The following CHCHD3 variants were observed in gnomAD, a reference collection of about 807,000 sequenced individuals.
CHCHD3 encodes the protein MICOS complex subunit MIC19.
A neutral mutation model predicts 38.2 loss-of-function variants in CHCHD3; 20 were observed. The ratio of observed to expected loss-of-function variants is 0.52; its 90% CI spans 0.37 to 0.76. The LOEUF (loss-of-function observed/expected upper bound fraction) is 0.76, where lower values mean the gene tolerates loss of function less well. CHCHD3 is among the 30% of genes least tolerant of loss of function. The pLI, the probability that CHCHD3 is intolerant of heterozygous loss-of-function variation, is 0.00. For synonymous variants in CHCHD3, 82 were observed against 100.0 expected (o/e 0.82, Z 1.07); for missense variants, 245 against 279.2 (o/e 0.88, Z 0.87).
In CHCHD3 at chr7:132,785,592, T is replaced by G; in HGVS notation, c.*45A>C. On this transcript the variant is annotated 3_prime_UTR_variant, in exon 8 of 8. Coordinates refer to ENST00000262570, the MANE Select transcript of CHCHD3 (RefSeq NM_017812.4). ...TCTCACTAGGAAAAAAAATGTTCCATCTCTGGAATTAACGTTGATGGTGTT... is the reference window on the plus strand; with the variant it reads ...TCTCACTAGGAAAAAAAATGTTCCAGCTCTGGAATTAACGTTGATGGTGTT... 1.2e-6 allele frequency: 2 copies of G among 1,603,360 alleles called. No homozygotes were observed. Among genetic ancestry groups the G allele is most frequent in the Non-Finnish European group, 1.7e-6 (2 of 1,170,622 alleles).
chr7:132,796,934 C>A (rs571245801), intron 6 of CHCHD3, among the ~76,000 whole-genome samples: 1 of 152,132 alleles, frequency 6.6e-6, no homozygotes, highest in African/African-American at 2.4e-5. Context: ...GAGATCCCTA[C>A]GGCCTGGTCC....
chr7:133,022,130 G>T (rs1232172158), intron 3 of CHCHD3, among the ~76,000 whole-genome samples: 1 of 151,854 alleles, frequency 6.6e-6, no homozygotes, highest in Admixed American at 6.6e-5. Flanking sequence ...TTTAAAAAGG[G>T]TTACAATGAT....
chr7:132,821,239 T>G (rs1265608145), intron 6 of CHCHD3, among the ~76,000 whole-genome samples: 2 of 152,192 alleles, frequency 1.3e-5, no homozygotes, highest in African/African-American at 4.8e-5. Context: ...CACTATTCAC[T>G]GCTTAGGATA....
At chr7:132,945,285 CAATT>C (rs1585662335) in intron 4 of CHCHD3, among the ~76,000 whole-genome samples, 1 of 151,814 alleles carries the variant, frequency 6.6e-6, no homozygotes, top group African/African-American at 2.4e-5. Context: ...AACATTAAAA[CAATT>C]AATTAAATAA....
At chr7:132,945,682 TAA>T (rs1229912146) in intron 4 of CHCHD3, among the ~76,000 whole-genome samples, 1 of 151,916 alleles carries the variant, frequency 6.6e-6, no homozygotes, top group African/African-American at 2.4e-5. Flanking sequence ...CTTGCTTTAA[TAA>T]AAGTTTTAAA....
intron 5 of CHCHD3, among the ~76,000 whole-genome samples, chr7:132,861,020 A>C (rs565781439): frequency 1.3e-5 from 2 of 152,344 alleles, no homozygotes; most frequent in East Asian, 3.9e-4. Flanking sequence ...GAGTGATTAC[A>C]AGAGTTCAGC....
intron 6 of CHCHD3, among the ~76,000 whole-genome samples, chr7:132,806,437 T>C (rs574673403): frequency 3.9e-4 from 60 of 152,200 alleles, no homozygotes; most frequent in Non-Finnish European, 5.3e-4. Flanking sequence ...ATCTAGCCCA[T>C]TAAGAACTGC....
rs1813278492 is a variant in CHCHD3, at chr7:133,024,526, T to C, written c.251+20A>G. ...ATGACAAAACCCACCAAAACCTCTC[T>C]CTGATACCACAAAACTCACCGTTTC... On this transcript the variant is annotated intron_variant, in intron 3 of 7. Coordinates refer to ENST00000262570, the MANE Select transcript of CHCHD3 (RefSeq NM_017812.4). The C allele has an allele frequency of 6.3e-7, 1 of 1,582,246 alleles. No homozygotes were observed. The highest frequency in any genetic ancestry group is 8.7e-7 in the Non-Finnish European group (1 of 1,151,524).
chr7:132,994,122 A>G (rs992063642), intron 3 of CHCHD3, among the ~76,000 whole-genome samples: 1 of 152,160 alleles, frequency 6.6e-6, no homozygotes, highest in South Asian at 2.1e-4. Flanking sequence ...ACTATAGGCT[A>G]CATTTTTCTA....
chr7:132,933,784 C>T (rs1352556371), intron 4 of CHCHD3, among the ~76,000 whole-genome samples: 1 of 152,198 alleles, frequency 6.6e-6, no homozygotes, highest in Non-Finnish European at 1.5e-5. Flanking sequence ...GGCCCACTGG[C>T]AAAAGGGCTC....
chr7:133,002,435 T>G (rs1019798265), intron 3 of CHCHD3, among the ~76,000 whole-genome samples: 1 of 152,114 alleles, frequency 6.6e-6, no homozygotes, highest in African/African-American at 2.4e-5. Flanking sequence ...TTTTGGCCCC[T>G]GGGTTTTTTC....
At chr7:133,005,608 A>G (rs1035912444) in intron 3 of CHCHD3, among the ~76,000 whole-genome samples, 11 of 152,198 alleles carry the variant, frequency 7.2e-5, no homozygotes, top group African/African-American at 2.7e-4. Flanking sequence ...TCAATCTACA[A>G]ATTTATTTGA....
chr7:132,951,429 T>A (rs1455050298), intron 4 of CHCHD3, among the ~76,000 whole-genome samples: 1 of 152,204 alleles, frequency 6.6e-6, no homozygotes, highest in African/African-American at 2.4e-5. Context: ...TATTTGTTGA[T>A]CAACCATTTG....
intron 2 of CHCHD3, among the ~76,000 whole-genome samples, chr7:133,041,924 C>G (rs964079707): frequency 6.6e-6 from 1 of 152,180 alleles, no homozygotes; most frequent in African/African-American, 2.4e-5. Context: ...ATGAGGACTT[C>G]GACTATCAGC....
chr7:132,977,843 G>T (rs923397651), intron 3 of CHCHD3, among the ~76,000 whole-genome samples: 1 of 151,936 alleles, frequency 6.6e-6, no homozygotes, highest in African/African-American at 2.4e-5. Flanking sequence ...GTTCTACATG[G>T]TTCAACTTTA....
At chr7:133,029,386 A>C (rs1305378848) in intron 2 of CHCHD3, among the ~76,000 whole-genome samples, 1 of 152,154 alleles carries the variant, frequency 6.6e-6, no homozygotes, top group Non-Finnish European at 1.5e-5. Context: ...TCTTTGATCA[A>C]CATCTCCCTA....
At chr7:133,046,536 T>C (rs1022315753) in intron 2 of CHCHD3, among the ~76,000 whole-genome samples, 2 of 151,906 alleles carry the variant, frequency 1.3e-5, no homozygotes, top group Non-Finnish European at 1.5e-5. Flanking sequence ...TAATTATATA[T>C]AATTGGTTTC....
chr7:133,056,085 CT>C (rs1383672913), intron 2 of CHCHD3, among the ~76,000 whole-genome samples: 3 of 151,814 alleles, frequency 2.0e-5, no homozygotes, highest in Admixed American at 6.6e-5. Context: ...AAGGTCAAGG[CT>C]GCAGTGATCT....
chr7:133,009,163 A>C (rs1812789407), intron 3 of CHCHD3, among the ~76,000 whole-genome samples: 1 of 151,930 alleles, frequency 6.6e-6, no homozygotes, highest in East Asian at 1.9e-4. Context: ...CAGGAGCTTG[A>C]GACCAGCCTG....
Sources: allele counts gnomAD v4.1 joint callset (sites outside exome capture counted in the v4.1 genomes callset), GRCh38; gene constraint gnomAD v4.1.1; transcripts MANE v1.5; gene names NCBI Gene and HGNC (gene_info 2026-07-23, HGNC 2026-07-21).